CCDC178: variants seen among roughly 807,000 people sequenced by gnomAD.
CCDC178 encodes the protein coiled-coil domain-containing protein 178.
A neutral mutation model predicts 117.4 loss-of-function variants in CCDC178; 126 were observed. The observed-to-expected ratio is 1.07, with a 90% confidence interval of 0.93 to 1.24. The LOEUF is 1.24. CCDC178 is among the 50% of genes most tolerant of loss of function. The pLI is 0.00. For missense variants in CCDC178, 1,030 were observed against 986.9 expected (o/e 1.04, Z -0.59); for synonymous variants, 283 against 313.4 (o/e 0.90, Z 1.02).
At chr18:32,969,391 T>C (rs2054879022) in intron 22 of CCDC178, among the ~76,000 whole-genome samples, 1 of 152,040 alleles carries the variant, frequency 6.6e-6, no homozygotes, top group African/African-American at 2.4e-5. Context: ...CTGTTTAATC[T>C]AACATCTGAA....
chr18:33,081,591 C>T (rs901574419), intron 21 of CCDC178, among the ~76,000 whole-genome samples: 2 of 152,174 alleles, frequency 1.3e-5, no homozygotes, highest in South Asian at 4.1e-4. Flanking sequence ...TTTCTATATA[C>T]ATCATGCAGA....
At chr18:33,134,354 G>A (rs374819847) in intron 20 of CCDC178, among the ~76,000 whole-genome samples, 4 of 151,874 alleles carry the variant, frequency 2.6e-5, no homozygotes, top group Admixed American at 1.3e-4. Flanking sequence ...TGCTTAGATC[G>A]CAGGCTTATT....
intron 5 of CCDC178, among the ~76,000 whole-genome samples, chr18:33,388,986 A>AG (rs1479939190): frequency 3.9e-5 from 6 of 151,902 alleles, no homozygotes; most frequent in African/African-American, 7.2e-5. Flanking sequence ...TGGGGCCTGT[A>AG]GGGGGAGGGC....
intron 20 of CCDC178, among the ~76,000 whole-genome samples, chr18:33,190,485 C>T (rs1487223602): frequency 6.6e-6 from 1 of 152,096 alleles, no homozygotes; most frequent in African/African-American, 2.4e-5. Flanking sequence ...TTGTTTCTTC[C>T]TTTCTATAAT....
chr18:33,356,182 TA>T, intron 7 of CCDC178, 141 bp downstream of exon 7: 1 of 826,706 alleles, frequency 1.2e-6, no homozygotes, highest in Non-Finnish European at 1.7e-6. Flanking sequence ...TCTTATATTT[TA>T]AAAAATATAT....
At chr18:33,383,566 G>C (rs948613797) in intron 5 of CCDC178, among the ~76,000 whole-genome samples, 1 of 152,042 alleles carries the variant, frequency 6.6e-6, no homozygotes, top group Non-Finnish European at 1.5e-5. Flanking sequence ...GTGCTACCCA[G>C]GCAAACAGAG....
chr18:33,074,239 G>A (rs1414805214), intron 21 of CCDC178, among the ~76,000 whole-genome samples: 1 of 151,866 alleles, frequency 6.6e-6, no homozygotes, highest in Non-Finnish European at 1.5e-5. Context: ...ATTAAAGCAT[G>A]CACATCATAA....
intron 6 of CCDC178, among the ~76,000 whole-genome samples, chr18:33,358,450 G>C (rs1312659075): frequency 2.0e-5 from 3 of 151,910 alleles, no homozygotes; most frequent in Non-Finnish European, 4.4e-5. Context: ...AGGTAAAATT[G>C]ACTAGTGGGA....
At chr18:33,405,510 T>C (rs2063768953) in intron 3 of CCDC178, among the ~76,000 whole-genome samples, 1 of 151,888 alleles carries the variant, frequency 6.6e-6, no homozygotes, top group Non-Finnish European at 1.5e-5. Flanking sequence ...TTGGTATGAT[T>C]TGATGTCAAA....
At chr18:33,349,766 T>G (rs1303787397) in intron 7 of CCDC178, among the ~76,000 whole-genome samples, 2 of 151,870 alleles carry the variant, frequency 1.3e-5, no homozygotes, top group East Asian at 1.9e-4. Flanking sequence ...TTAAGAAAAC[T>G]GTATACATAC....
chr18:33,214,137 T>C (rs1425465752), intron 19 of CCDC178, among the ~76,000 whole-genome samples: 1 of 152,066 alleles, frequency 6.6e-6, no homozygotes, highest in Non-Finnish European at 1.5e-5. Context: ...AAGAGTGTGA[T>C]CTTAGATTCC....
Position 32,959,868 on chromosome 18 carries a change from T to TA in CCDC178, c.2523+14678dup, listed in dbSNP as rs958444051. Among the ~76,000 whole-genome samples, 777 of 151,002 alleles carry TA rather than the reference T, an allele frequency of 5.1e-3. 8 individuals are homozygous for TA. The highest frequency in any genetic ancestry group is 0.018 in the African/African-American group (747 of 41,240). ...AATGTCCTGCTGGCATAGAGTGAATTAAAAAAAAATAAAAATGCTGGAGTC... is the reference window on the plus strand; with the variant it reads ...AATGTCCTGCTGGCATAGAGTGAATTAAAAAAAAAATAAAAATGCTGGAGTC... On this transcript the variant is annotated intron_variant, in intron 22 of 22. Coordinates refer to ENST00000383096, the MANE Select transcript of CCDC178 (RefSeq NM_001105528.4).
At chr18:33,042,951 T>A (rs554303976) in intron 21 of CCDC178, among the ~76,000 whole-genome samples, 61 of 152,050 alleles carry the variant, frequency 4.0e-4, no homozygotes, top group Middle Eastern at 3.4e-3. Context: ...GTAGGACAAC[T>A]GAGCATTGGG....
At chr18:33,331,346 ATC>A (rs1223888747) in intron 10 of CCDC178, among the ~76,000 whole-genome samples, 1 of 152,056 alleles carries the variant, frequency 6.6e-6, no homozygotes, top group Admixed American at 6.5e-5. Context: ...ACAGAAATAT[ATC>A]TGACTATCCT....
Position 33,433,043 on chromosome 18 carries a change from C to T in CCDC178, c.-23+6919G>A, listed in dbSNP as rs2064242673. Reference sequence around the variant, plus strand: ...TAGAAATTTTAACACTCACCAAGTTCTGTTTATTCTTCTAAAGCATAACAC... The same window carrying T: ...TAGAAATTTTAACACTCACCAAGTTTTGTTTATTCTTCTAAAGCATAACAC... On this transcript the variant is annotated intron_variant, in intron 2 of 22. Coordinates refer to ENST00000383096, the MANE Select transcript of CCDC178 (RefSeq NM_001105528.4). Among the ~76,000 whole-genome samples the T allele has an allele frequency of 3.3e-5, 5 of 152,170 alleles. No individual in the cohort carries two copies. The South Asian group carries it at 1.0e-3, about 32-fold the overall frequency.
chr18:33,295,182 G>A (rs968742936), intron 11 of CCDC178, among the ~76,000 whole-genome samples: 3 of 152,038 alleles, frequency 2.0e-5, no homozygotes, highest in Non-Finnish European at 4.4e-5. Context: ...TCTGATTCTT[G>A]ACAAACTTAC....
intron 20 of CCDC178, among the ~76,000 whole-genome samples, chr18:33,109,214 A>T (rs1457144048): frequency 6.6e-6 from 1 of 151,716 alleles, no homozygotes; most frequent in Non-Finnish European, 1.5e-5. Context: ...ACCCACTATT[A>T]CAAATATACA....
intron 9 of CCDC178, among the ~76,000 whole-genome samples, chr18:33,344,019 A>C (rs533615752): frequency 5.5e-4 from 83 of 152,266 alleles, no homozygotes; most frequent in Non-Finnish European, 8.4e-4. Context: ...ACTTTAAAAA[A>C]TACGGCCGGG....
intron 8 of CCDC178, among the ~76,000 whole-genome samples, chr18:33,348,550 G>A (rs1403288384): frequency 2.0e-5 from 3 of 151,818 alleles, no homozygotes; most frequent in Non-Finnish European, 2.9e-5. Context: ...ACAGCTGTAC[G>A]TGGCTAGTAG....
Sources: gnomAD v4.1 joint callset for allele counts (sites outside exome capture counted in the v4.1 genomes callset) on GRCh38, gnomAD v4.1.1 for gene constraint, MANE v1.5 for transcripts, NCBI Gene and HGNC (gene_info 2026-07-23, HGNC 2026-07-21) for gene names.